Variants in ACTR6 observed in about 807,000 individuals in gnomAD.
The protein encoded by ACTR6 is actin-related protein 6.
Under a neutral mutation model 52.5 loss-of-function variants are expected in ACTR6, and 50 were observed. That is an observed-to-expected ratio of 0.95 (90% CI 0.76 to 1.20). The LOEUF (loss-of-function observed/expected upper bound fraction) is 1.20. Among genes scored for constraint, ACTR6 ranks in the 50% most tolerant of loss-of-function variants. The pLI is 0.00. For synonymous variants in ACTR6, 135 were observed against 147.2 expected (o/e 0.92, Z 0.60); for missense variants, 344 against 472.4 (o/e 0.73, Z 2.52).
At chr12:100,213,508 A>G (rs1357344298) in intron 8 of ACTR6, among the ~76,000 whole-genome samples, 1 of 152,266 alleles carries the variant, frequency 6.6e-6, no homozygotes, top group Non-Finnish European at 1.5e-5. Context: ...GCCAAAAGAT[A>G]GCACATAGGG....
chr12:100,207,629 A>G lies in ACTR6; in HGVS notation c.256-34A>G, dbSNP rs977425955. The G allele has an allele frequency of 7.2e-6, 10 of 1,389,124 alleles. No individual in the cohort carries two copies. The East Asian group carries it at 2.4e-4, about 34-fold the overall frequency. The allele number at this position is 1,389,124 out of a possible 1,614,324, so 86.0% of individuals were successfully genotyped here. A position where few individuals can be genotyped will look rare whatever the true frequency, so the allele number is the denominator to read the frequency against. On this transcript the variant is annotated intron_variant, in intron 3 of 10. Transcript: ENST00000188312. ...AAACAAGTGTTAATTATCATTACAA[A>G]TTATGAAACATTTTGGAATGTTTTC...
chr12:100,207,350 A>G (rs1214694159), intron 3 of ACTR6, among the ~76,000 whole-genome samples: 1 of 152,030 alleles, frequency 6.6e-6, no homozygotes, highest in Non-Finnish European at 1.5e-5. Flanking sequence ...GATTACAGGT[A>G]TGAGCCACTG....
chr12:100,203,152 C>T (rs2096111299), intron 1 of ACTR6, among the ~76,000 whole-genome samples: 1 of 152,144 alleles, frequency 6.6e-6, no homozygotes, highest in Admixed American at 6.6e-5. Flanking sequence ...CTTACGGCCC[C>T]ACCCTCCTTC....
chr12:100,213,845 A>C (rs1336162997), intron 8 of ACTR6, among the ~76,000 whole-genome samples: 1 of 152,202 alleles, frequency 6.6e-6, no homozygotes, highest in Non-Finnish European at 1.5e-5. Flanking sequence ...CAGCTTGATG[A>C]GGACTGTTGG....
At chr12:100,215,047 T>C (rs1415231105) in intron 8 of ACTR6, among the ~76,000 whole-genome samples, 1 of 152,204 alleles carries the variant, frequency 6.6e-6, no homozygotes, top group Non-Finnish European at 1.5e-5. Flanking sequence ...ATAGGGTTAA[T>C]AGGGGTAAAG....
At position 100,210,135 on chromosome 12, in the gene ACTR6, G is replaced by A; in HGVS notation, c.442G>A (p.Val148Ile). ...TCCTTCCGAATTATGCTGTATCATT[G>A]TTGATAGTGGATATTCCTTTACACA... ...DNPSELCCII[V>I]DSGYSFTHIV... Residue 148 changes from valine (V) to isoleucine (I), a missense_variant, in exon 5 of 11, where the codon GTT becomes ATT. Coordinates refer to ENST00000188312, the MANE Select transcript of ACTR6 (RefSeq NM_022496.5). 1 of 1,610,794 alleles carries A rather than the reference G, an allele frequency of 6.2e-7. No homozygotes were observed. Among genetic ancestry groups the A allele is most frequent in the Non-Finnish European group, 8.5e-7 (1 of 1,178,204 alleles).
At chr12:100,210,376 G>A in intron 6 of ACTR6, 25 bp downstream of exon 6, 1 of 1,607,112 alleles carries the variant, frequency 6.2e-7, no homozygotes, top group South Asian at 1.1e-5. Flanking sequence ...TGATTCTTTG[G>A]GAGGATGGGG....
chr12:100,205,605 A>G, intron 2 of ACTR6, 71 bp from the exon 3 acceptor site: 2 of 923,910 alleles, frequency 2.2e-6, no homozygotes, highest in Non-Finnish European at 3.1e-6. Context: ...AATTATTCAA[A>G]TATTTATAAT....
chr12:100,201,640 G>A (rs1447920713), intron 1 of ACTR6, among the ~76,000 whole-genome samples: 1 of 152,116 alleles, frequency 6.6e-6, no homozygotes, highest in Non-Finnish European at 1.5e-5. Context: ...TCTGGAAAAC[G>A]TTTTGGCAAT....
intron 3 of ACTR6, chr12:100,206,129 T>C (rs1387102030): frequency 6.5e-6 from 1 of 153,610 alleles, no homozygotes; most frequent in Non-Finnish European, 1.4e-5. Context: ...TGTGAGAGAA[T>C]TACATAAACT....
At chr12:100,214,896 C>T (rs1171965045) in intron 8 of ACTR6, among the ~76,000 whole-genome samples, 2 of 152,148 alleles carry the variant, frequency 1.3e-5, no homozygotes, top group South Asian at 4.1e-4. Flanking sequence ...GGCTAAGATA[C>T]GGAAGGTGTA....
Position 100,209,827 on chromosome 12 carries a change from A to G in ACTR6, c.380-246A>G, listed in dbSNP as rs1163909598. Among the ~76,000 whole-genome samples, 7 of 152,246 alleles carry G rather than the reference A, an allele frequency of 4.6e-5. No individual in the cohort carries two copies. In the East Asian group the frequency reaches 1.2e-3, roughly 25 times the overall value. ...GCTGTTGTAGTAATTCTTTTAAACT[A>G]TGGAGTGAATATTTACCTTTAAAAA... On this transcript the variant is annotated intron_variant, in intron 4 of 10. Transcript: ENST00000188312.
chr12:100,201,268 C>T (rs1165797586), intron 1 of ACTR6, among the ~76,000 whole-genome samples: 2 of 152,120 alleles, frequency 1.3e-5, no homozygotes, highest in African/African-American at 4.8e-5. Flanking sequence ...TGCGGATTTT[C>T]CTGGGTACAA....
At chr12:100,205,918 TAGTC>T (rs1430843714) in intron 3 of ACTR6, among the ~76,000 whole-genome samples, 174 bp downstream of exon 3, 2 of 152,216 alleles carry the variant, frequency 1.3e-5, no homozygotes, top group African/African-American at 4.8e-5. Context: ...TGAGTAAAGA[TAGTC>T]TGTATGAAAC....
chr12:100,219,171 A>G (rs1216762542), intron 9 of ACTR6, among the ~76,000 whole-genome samples: 4 of 151,382 alleles, frequency 2.6e-5, no homozygotes, highest in Admixed American at 6.6e-5. Flanking sequence ...AAAAAAAAAA[A>G]AAAAAAAAGA....
intron 1 of ACTR6, chr12:100,201,173 A>G: frequency 2.2e-6 from 2 of 927,592 alleles, no homozygotes; most frequent in South Asian, 3.5e-5. Context: ...GCCAAAGAAA[A>G]TAGGCTTATA....
intron 10 of ACTR6, among the ~76,000 whole-genome samples, chr12:100,220,355 T>C (rs1307352684): frequency 3.9e-5 from 6 of 152,230 alleles, no homozygotes; most frequent in African/African-American, 1.4e-4. Context: ...CCATAATGTT[T>C]CATACACAAT....
chr12:100,205,888 T>C (rs1180835939), intron 3 of ACTR6, 144 bp downstream of exon 3: 2 of 476,492 alleles, frequency 4.2e-6, no homozygotes, highest in Non-Finnish European at 6.9e-6. Flanking sequence ...TGAATAAAAT[T>C]TCCATGTTGA....
chr12:100,215,665 G>T (rs1417083397), intron 8 of ACTR6, among the ~76,000 whole-genome samples: 1 of 152,158 alleles, frequency 6.6e-6, no homozygotes, highest in Non-Finnish European at 1.5e-5. Flanking sequence ...AATGTTTATT[G>T]TAGAAAGAAT....
Sources: allele counts gnomAD v4.1 joint callset (sites outside exome capture counted in the v4.1 genomes callset), GRCh38; gene constraint gnomAD v4.1.1; transcripts MANE v1.5; gene names NCBI Gene and HGNC (gene_info 2026-07-23, HGNC 2026-07-21).